Variants in FNDC3B observed in about 807,000 individuals in gnomAD.
FNDC3B encodes the protein fibronectin type III domain containing 3B.
Under a neutral mutation model 151.5 loss-of-function variants are expected in FNDC3B, and 12 were observed. That is an observed-to-expected ratio of 0.08 (90% CI 0.05 to 0.13). The LOEUF is 0.13. FNDC3B is among the 10% of genes least tolerant of loss of function. The probability of loss-of-function intolerance (pLI) is 1.00; values close to 1 mark genes in which losing one functional copy is unlikely to be tolerated. For missense variants in FNDC3B, 1,214 were observed against 1,505.3 expected (o/e 0.81, Z 3.20); for synonymous variants, 528 against 549.0 (o/e 0.96, Z 0.54).
At chr3:172,099,856 GT>G (rs151023399) in intron 1 of FNDC3B, among the ~76,000 whole-genome samples, 1 of 151,914 alleles carries the variant, frequency 6.6e-6, no homozygotes, top group African/African-American at 2.4e-5. Flanking sequence ...ACAGCAATCT[GT>G]TTTTTTTATG....
intron 3 of FNDC3B, among the ~76,000 whole-genome samples, chr3:172,166,831 T>C (rs1324453399): frequency 1.0e-4 from 2 of 19,526 alleles, no homozygotes; most frequent in African/African-American, 4.3e-4. Context: ...ATTTGGCGGG[T>C]GGGTGGGGGG....
At chr3:172,066,690 G>A (rs1717516051) in intron 1 of FNDC3B, among the ~76,000 whole-genome samples, 1 of 152,200 alleles carries the variant, frequency 6.6e-6, no homozygotes, top group Non-Finnish European at 1.5e-5. Context: ...TAACTTGGGA[G>A]TTAGAAGAAC....
intron 3 of FNDC3B, among the ~76,000 whole-genome samples, chr3:172,160,936 T>G (rs1722735451): frequency 6.6e-6 from 1 of 152,148 alleles, no homozygotes; most frequent in Non-Finnish European, 1.5e-5. Context: ...ATAGTATATA[T>G]CAAGATACAA....
chr3:172,159,280 A>G, intron 3 of FNDC3B, among the ~76,000 whole-genome samples: 1 of 152,160 alleles, frequency 6.6e-6, no homozygotes, highest in Non-Finnish European at 1.5e-5. Flanking sequence ...ACCCTGTCTC[A>G]AAAAAGAAAA....
chr3:172,131,186 C>T (rs1721077319), intron 2 of FNDC3B, among the ~76,000 whole-genome samples: 1 of 152,148 alleles, frequency 6.6e-6, no homozygotes, highest in Non-Finnish European at 1.5e-5. Flanking sequence ...CACCTGAGGT[C>T]AGGAGTTCGA....
intron 14 of FNDC3B, 43 bp from the exon 15 acceptor site, chr3:172,334,901 C>T: frequency 6.3e-7 from 1 of 1,581,466 alleles, no homozygotes; most frequent in South Asian, 1.1e-5. Flanking sequence ...TTAATGATCC[C>T]TGATAACTAA....
chr3:172,258,803 T>G (rs984794187), intron 6 of FNDC3B, among the ~76,000 whole-genome samples: 2 of 152,248 alleles, frequency 1.3e-5, no homozygotes, highest in Admixed American at 1.3e-4. Flanking sequence ...TAACAGATAA[T>G]GCTTGTGCTT....
intron 1 of FNDC3B, among the ~76,000 whole-genome samples, chr3:172,083,541 G>A (rs1187651713): frequency 2.0e-5 from 3 of 152,204 alleles, no homozygotes; most frequent in Non-Finnish European, 4.4e-5. Flanking sequence ...GTAGAAGCAT[G>A]AGAGACCTAT....
At chr3:172,172,753 C>T (rs1313503639) in intron 3 of FNDC3B, among the ~76,000 whole-genome samples, 2 of 152,192 alleles carry the variant, frequency 1.3e-5, no homozygotes, top group African/African-American at 2.4e-5. Flanking sequence ...GCATTTATAT[C>T]GCTCAGGTCA....
intron 6 of FNDC3B, among the ~76,000 whole-genome samples, chr3:172,285,108 G>C (rs1192034869): frequency 6.6e-6 from 1 of 151,522 alleles, no homozygotes; most frequent in Non-Finnish European, 1.5e-5. Context: ...CATTTCCCTC[G>C]TGTTATTAAA....
intron 1 of FNDC3B, among the ~76,000 whole-genome samples, chr3:172,084,472 T>TATACACACACACACAC (rs1553759303): frequency 8.4e-5 from 12 of 143,640 alleles, no homozygotes; most frequent in Non-Finnish European, 1.7e-4. Flanking sequence ...TGTATATGTA[T>TATACACACACACACAC]ACACACACAC....
intron 1 of FNDC3B, among the ~76,000 whole-genome samples, chr3:172,095,905 T>C (rs1719068607): frequency 6.6e-6 from 1 of 152,236 alleles, no homozygotes; most frequent in Admixed American, 6.5e-5. Context: ...TGTGAACACC[T>C]TCCTATGTTA....
intron 23 of FNDC3B, 68 bp from the exon 24 acceptor site, chr3:172,378,202 G>C: frequency 7.1e-7 from 1 of 1,405,454 alleles, no homozygotes; most frequent in Non-Finnish European, 9.6e-7. Context: ...CCATTAGTTT[G>C]CATCATAATT....
At chr3:172,175,789 T>C (rs1723563021) in intron 3 of FNDC3B, among the ~76,000 whole-genome samples, 1 of 152,088 alleles carries the variant, frequency 6.6e-6, no homozygotes, top group Non-Finnish European at 1.5e-5. Context: ...GTGTGAAGGG[T>C]CTCCCCAGAA....
chr3:172,049,691 C>A (rs1245675023), intron 1 of FNDC3B, among the ~76,000 whole-genome samples: 1 of 152,122 alleles, frequency 6.6e-6, no homozygotes, highest in Non-Finnish European at 1.5e-5. Flanking sequence ...CCACCCCTGG[C>A]TAATTTTGTA....
intron 2 of FNDC3B, among the ~76,000 whole-genome samples, chr3:172,121,775 C>T (rs1040485262): frequency 6.6e-6 from 1 of 152,074 alleles, no homozygotes; most frequent in Non-Finnish European, 1.5e-5. Flanking sequence ...TTATGTTGCC[C>T]AGGCTGGTCT....
intron 1 of FNDC3B, among the ~76,000 whole-genome samples, chr3:172,085,592 T>C (rs1718511450): frequency 6.6e-6 from 1 of 152,200 alleles, no homozygotes; most frequent in African/African-American, 2.4e-5. Context: ...GGTCAACCAC[T>C]TCACTCATCG....
chr3:172,318,515 C>T (rs1200942995), intron 11 of FNDC3B, among the ~76,000 whole-genome samples: 1 of 152,222 alleles, frequency 6.6e-6, no homozygotes, highest in East Asian at 1.9e-4. Context: ...AGTGAATTTG[C>T]ACAAACCTTT....
At chr3:172,145,582 T>C (rs1259382579) in intron 3 of FNDC3B, among the ~76,000 whole-genome samples, 7 of 152,238 alleles carry the variant, frequency 4.6e-5, no homozygotes. Flanking sequence ...AGTTTTTGCC[T>C]GCTGCACTGT....
Sources: gnomAD v4.1 joint callset for allele counts (sites outside exome capture counted in the v4.1 genomes callset) on GRCh38, gnomAD v4.1.1 for gene constraint, MANE v1.5 for transcripts, NCBI Gene and HGNC (gene_info 2026-07-23, HGNC 2026-07-21) for gene names.